Variants in YTHDF2 observed in about 807,000 individuals in gnomAD.
YTHDF2 encodes YTH domain-containing family protein 2.
A neutral mutation model predicts 50.4 loss-of-function variants in YTHDF2; 2 were observed. The ratio of observed to expected loss-of-function variants is 0.04; its 90% CI spans 0.02 to 0.12. The LOEUF is 0.12. Ranked by LOEUF, YTHDF2 falls within the 10% of genes least tolerant of loss-of-function variation. The probability of loss-of-function intolerance (pLI) is 1.00; values close to 1 mark genes in which losing one functional copy is unlikely to be tolerated. For missense variants in YTHDF2, 483 were observed against 722.6 expected, an observed-to-expected ratio of 0.67 and a Z score of 3.80; for synonymous variants, 217 against 255.6, an observed-to-expected ratio of 0.85 and a Z score of 1.44.
In YTHDF2 at chr1:28,742,928, A is replaced by G. The variant is rs765762491; in HGVS notation, c.658A>G (p.Ile220Val). Residue 220 changes from isoleucine (I) to valine (V), a missense_variant, in exon 4 of 5, where the codon ATC (isoleucine) becomes GTC (valine). By Grantham distance (29) the Ile-to-Val change is conservative. Transcript: ENST00000373812. ...TGGTAGCGGGTCCATTACTAGTAACATCGTGGCTTCCAATAGTTTGCCTCC... is the reference window on the plus strand; with the variant it reads ...TGGTAGCGGGTCCATTACTAGTAACGTCGTGGCTTCCAATAGTTTGCCTCC... The part of the protein sequence containing the change: ...AVGSGSITSN[I>V]VASNSLPPAT... 15 of 1,614,056 alleles carry G rather than the reference A, an allele frequency of 9.3e-6. No homozygotes were observed. In the African/African-American group the frequency reaches 1.6e-4, roughly 17 times the overall value.
chr1:28,759,759 T>C (rs2088087206), intron 4 of YTHDF2, among the ~76,000 whole-genome samples: 1 of 152,062 alleles, frequency 6.6e-6, no homozygotes, highest in Non-Finnish European at 1.5e-5. Context: ...AGTTGGAGAC[T>C]GGCCTGACCA....
intron 4 of YTHDF2, among the ~76,000 whole-genome samples, chr1:28,761,186 G>T (rs1323059010): frequency 1.4e-5 from 2 of 143,712 alleles, no homozygotes; most frequent in Non-Finnish European, 1.5e-5. Flanking sequence ...CCAGGCTGGA[G>T]TGTAGTGGCC....
chr1:28,764,195 C>T lies in YTHDF2; in HGVS notation c.1717-4734C>T, dbSNP rs568568679. Among the ~76,000 whole-genome samples, 371 of 151,968 alleles carry T rather than the reference C, an allele frequency of 2.4e-3. 2 individuals carry two copies. The highest frequency in any genetic ancestry group is 8.6e-3 in the African/African-American group (356 of 41,490). On this transcript the variant is annotated intron_variant, in intron 4 of 4. Coordinates refer to ENST00000373812, the MANE Select transcript of YTHDF2 (RefSeq NM_016258.3). ...CGAACTCCCGACCTCAGGTGATCCG[C>T]CCACCTCGGCCTCCCAAAGTGCTGG... is the stretch of plus-strand genomic sequence containing the variant.
chr1:28,747,486 C>T lies in YTHDF2; in HGVS notation c.1716+3500C>T, dbSNP rs114969611. Among the ~76,000 whole-genome samples the T allele has an allele frequency of 4.2e-3, 622 of 149,244 alleles. 6 individuals carry two copies. The highest frequency in any genetic ancestry group is 0.015 in the African/African-American group (595 of 40,474). ...TACTTGCAGTGGGCTGAGATTGAGC[C>T]ATTGCAATCCAGCCTGGTGAAAGAG... On this transcript the variant is annotated intron_variant, in intron 4 of 4. Transcript: ENST00000373812.
At chr1:28,746,668 GA>G in intron 4 of YTHDF2, among the ~76,000 whole-genome samples, 1 of 152,226 alleles carries the variant, frequency 6.6e-6, no homozygotes, top group African/African-American at 2.4e-5. Context: ...GCTGAGGCAG[GA>G]TAATTTCTTG....
At chr1:28,748,826 A>G (rs1287199932) in intron 4 of YTHDF2, among the ~76,000 whole-genome samples, 3 of 152,186 alleles carry the variant, frequency 2.0e-5, no homozygotes, top group Admixed American at 6.5e-5. Flanking sequence ...TGTTGGCTTC[A>G]TAGTATTGTC....
In YTHDF2 at chr1:28,742,783, T is replaced by C; in HGVS notation, c.513T>C (p.Phe171=). 1 of 1,614,190 alleles carries C rather than the reference T, an allele frequency of 6.2e-7. No homozygotes were observed. The highest frequency in any genetic ancestry group is 1.7e-5 in the Admixed American group (1 of 60,014). The change falls in exon 4 of 5, where the codon TTT becomes TTC. Residue 171 remains phenylalanine (F), a synonymous_variant. Transcript: ENST00000373812. ...GGAMIDGQSA[F]ANETLNKAPG... ...CCATGATTGATGGACAGTCAGCTTT[T>C]GCCAATGAGACCCTCAATAAGGCTC... is the stretch of plus-strand genomic sequence containing the variant.
At chr1:28,744,339 A>G (rs187356450) in intron 4 of YTHDF2, among the ~76,000 whole-genome samples, 39 of 152,324 alleles carry the variant, frequency 2.6e-4, no homozygotes, top group Admixed American at 2.1e-3. Context: ...GATTGAGTCT[A>G]TAATATGGCA....
chr1:28,759,081 T>A (rs1418427404), intron 4 of YTHDF2, among the ~76,000 whole-genome samples: 4 of 152,242 alleles, frequency 2.6e-5, no homozygotes, highest in African/African-American at 9.6e-5. Flanking sequence ...GAGTTCTTAC[T>A]TTGAGATTCT....
chr1:28,737,509 A>C, intron 1 of YTHDF2, 149 bp from the exon 2 acceptor site: 1 of 1,103,172 alleles, frequency 9.1e-7, no homozygotes, highest in Non-Finnish European at 1.3e-6. Context: ...CCCGCCTCCC[A>C]TTTTCAGCCT....
At chr1:28,761,505 A>C (rs965926570) in intron 4 of YTHDF2, among the ~76,000 whole-genome samples, 1 of 152,164 alleles carries the variant, frequency 6.6e-6, no homozygotes, top group Non-Finnish European at 1.5e-5. Flanking sequence ...ACGGAGGCCA[A>C]GGCAGGTGGA....
intron 4 of YTHDF2, among the ~76,000 whole-genome samples, chr1:28,758,723 T>G (rs2088070525): frequency 6.6e-6 from 1 of 152,210 alleles, no homozygotes; most frequent in Non-Finnish European, 1.5e-5. Flanking sequence ...CTCACTTTGG[T>G]GGCAGAGCTA....
chr1:28,751,727 G>T (rs1016024623), intron 4 of YTHDF2, among the ~76,000 whole-genome samples: 2 of 152,194 alleles, frequency 1.3e-5, no homozygotes, highest in African/African-American at 4.8e-5. Context: ...GAGAAACAAG[G>T]CACCATCTTT....
chr1:28,739,019 A>C, intron 3 of YTHDF2: 1 of 152,184 alleles, frequency 6.6e-6, no homozygotes, highest in Admixed American at 6.5e-5. Flanking sequence ...TTACAGTGTT[A>C]AATATTCTGA....
intron 4 of YTHDF2, among the ~76,000 whole-genome samples, chr1:28,748,346 GA>G (rs2087896123): frequency 6.6e-6 from 1 of 152,164 alleles, no homozygotes; most frequent in Non-Finnish European, 1.5e-5. Context: ...ATAGCTCATT[GA>G]GATGGTAGAC....
intron 4 of YTHDF2, among the ~76,000 whole-genome samples, chr1:28,761,872 G>A (rs1028860034): frequency 6.6e-6 from 1 of 152,088 alleles, no homozygotes; most frequent in African/African-American, 2.4e-5. Flanking sequence ...TTATAGCCTT[G>A]CTTTAAATTG....
chr1:28,767,398 G>A (rs1448132175), intron 4 of YTHDF2, among the ~76,000 whole-genome samples: 5 of 152,082 alleles, frequency 3.3e-5, no homozygotes, highest in African/African-American at 1.2e-4. Context: ...TATAGTCTAA[G>A]TTTCTAATTC....
At chr1:28,760,249 T>C (rs2088098798) in intron 4 of YTHDF2, among the ~76,000 whole-genome samples, 1 of 151,832 alleles carries the variant, frequency 6.6e-6, no homozygotes, top group Non-Finnish European at 1.5e-5. Flanking sequence ...ATAGTAAATA[T>C]ATAAGCCAAT....
rs1310068264 is a variant in YTHDF2, at chr1:28,742,632, G to A, written c.362G>A (p.Gly121Asp). The A allele has an allele frequency of 1.2e-6, 2 of 1,613,952 alleles. No individual in the cohort carries two copies. Among genetic ancestry groups the A allele is most frequent in the Admixed American group, 3.3e-5 (2 of 59,980 alleles). ...AGCACTCCATTTCTTGGTCAGCATGGTTTTAATTTCTTTCCCAGTGGGATT... is the reference window on the plus strand; with the variant it reads ...AGCACTCCATTTCTTGGTCAGCATGATTTTAATTTCTTTCCCAGTGGGATT... ...LGSTPFLGQH[G>D]FNFFPSGIDF... The change falls in exon 4 of 5, where the codon GGT (glycine) becomes GAT (aspartate). Residue 121 changes from glycine to aspartate, a missense_variant. Physicochemically the swap from Gly to Asp is moderately conservative, Grantham distance 94. Coordinates refer to ENST00000373812, the MANE Select transcript of YTHDF2 (RefSeq NM_016258.3).
Sources: gnomAD v4.1 joint callset for allele counts (sites outside exome capture counted in the v4.1 genomes callset) on GRCh38, gnomAD v4.1.1 for gene constraint, MANE v1.5 for transcripts, NCBI Gene and HGNC (gene_info 2026-07-23, HGNC 2026-07-21) for gene names.